The following UNC13C variants were observed in gnomAD, a reference collection of about 807,000 sequenced individuals.
UNC13C encodes protein unc-13 homolog C.
Under a neutral mutation model 245.4 loss-of-function variants are expected in UNC13C, and 174 were observed. The observed-to-expected ratio is 0.71, with a 90% CI of 0.63 to 0.80. The LOEUF is 0.80. Ranked by LOEUF, UNC13C falls within the 30% of genes least tolerant of loss-of-function variation. UNC13C has a pLI of 0.00. For missense variants in UNC13C, 2,829 were observed against 2,602.9 expected, an observed-to-expected ratio of 1.09 and a Z score of -1.89; for synonymous variants, 992 against 895.1, an observed-to-expected ratio of 1.11 and a Z score of -1.93.
At chr15:54,353,229 T>A (rs1262701739) in intron 17 of UNC13C, among the ~76,000 whole-genome samples, 1 of 152,026 alleles carries the variant, frequency 6.6e-6, no homozygotes, top group Non-Finnish European at 1.5e-5. Context: ...ATTAGACCAA[T>A]AACTGAAATA....
intron 4 of UNC13C, among the ~76,000 whole-genome samples, chr15:54,164,606 G>T (rs912563012): frequency 1.3e-5 from 2 of 152,222 alleles, no homozygotes; most frequent in Admixed American, 6.5e-5. Flanking sequence ...TACAGCATCT[G>T]CTCTGTCAGT....
chr15:53,909,492 G>A, the UNC13C span, among the ~76,000 whole-genome samples: 5 of 146,406 alleles, frequency 3.4e-5, 2 homozygotes, highest in Admixed American at 2.1e-4. Context: ...GGTGGCTCAC[G>A]CCTGTAATCC....
intron 4 of UNC13C, among the ~76,000 whole-genome samples, chr15:54,185,859 G>A (rs1373410615): frequency 6.6e-6 from 1 of 150,914 alleles, no homozygotes; most frequent in African/African-American, 2.5e-5. Context: ...ATTACCTTGG[G>A]CAGTATGGCC....
At chr15:54,055,859 A>G (rs1238123028) in intron 2 of UNC13C, among the ~76,000 whole-genome samples, 2 of 152,132 alleles carry the variant, frequency 1.3e-5, no homozygotes, top group Non-Finnish European at 2.9e-5. Flanking sequence ...TACATTTATC[A>G]TTGACAGCTG....
chr15:54,233,270 C>A (rs1436446559), intron 4 of UNC13C, among the ~76,000 whole-genome samples: 1 of 152,046 alleles, frequency 6.6e-6, no homozygotes, highest in Non-Finnish European at 1.5e-5. Flanking sequence ...TTAAATGTCA[C>A]CTTTCTCCCT....
intron 24 of UNC13C, among the ~76,000 whole-genome samples, chr15:54,521,832 A>T (rs1019578088): frequency 6.6e-6 from 1 of 152,246 alleles, no homozygotes; most frequent in African/African-American, 2.4e-5. Context: ...ATGATATAGG[A>T]CTGCTTCTGT....
At chr15:54,249,430 G>A (rs116532932) in intron 7 of UNC13C, among the ~76,000 whole-genome samples, 26 of 152,200 alleles carry the variant, frequency 1.7e-4, no homozygotes, top group African/African-American at 5.5e-4. Flanking sequence ...GTGGCAGAAC[G>A]TTTATTCATT....
At chr15:53,884,853 A>T in the UNC13C span, among the ~76,000 whole-genome samples, 2 of 152,008 alleles carry the variant, frequency 1.3e-5, no homozygotes, top group Non-Finnish European at 2.9e-5. Flanking sequence ...TTCTCCTCCT[A>T]CCAAATGCCT....
chr15:53,840,476 GAAATAAAA>G, the UNC13C span, among the ~76,000 whole-genome samples: 1 of 152,000 alleles, frequency 6.6e-6, no homozygotes, highest in African/African-American at 2.4e-5. Flanking sequence ...GAAGGGGCAT[GAAATAAAA>G]AAACAAGGAG....
chr15:54,060,613 A>G (rs1158142894), intron 2 of UNC13C, among the ~76,000 whole-genome samples: 1 of 152,140 alleles, frequency 6.6e-6, no homozygotes, highest in Non-Finnish European at 1.5e-5. Context: ...CCATCCCATT[A>G]CTGGGTATAT....
chr15:54,381,197 A>G (rs1173615188), intron 17 of UNC13C, among the ~76,000 whole-genome samples: 1 of 152,178 alleles, frequency 6.6e-6, no homozygotes, highest in Admixed American at 6.5e-5. Context: ...TTTTCTTAAC[A>G]TCATTGATTG....
At chr15:54,309,508 A>T (rs1355567789) in intron 13 of UNC13C, among the ~76,000 whole-genome samples, 6 of 151,976 alleles carry the variant, frequency 3.9e-5, no homozygotes, top group Admixed American at 2.0e-4. Context: ...TTTTAGGTTA[A>T]TTCAATCCCA....
chr15:54,523,641 C>A (rs984943753), intron 24 of UNC13C, among the ~76,000 whole-genome samples: 28 of 152,148 alleles, frequency 1.8e-4, no homozygotes, highest in African/African-American at 6.3e-4. Context: ...TTCTGTATGA[C>A]CTTGAAGGCC....
chr15:54,434,480 G>C (rs1321280824), intron 19 of UNC13C, among the ~76,000 whole-genome samples: 2 of 152,030 alleles, frequency 1.3e-5, no homozygotes, highest in African/African-American at 4.8e-5. Flanking sequence ...AGGAGCAATG[G>C]GGAAAGTGTT....
intron 19 of UNC13C, among the ~76,000 whole-genome samples, chr15:54,439,632 CAA>C (rs2140987977): frequency 6.6e-6 from 1 of 151,798 alleles, no homozygotes; most frequent in South Asian, 2.1e-4. Flanking sequence ...CATATTGATA[CAA>C]AGTCTCAAGT....
At chr15:54,444,319 T>C (rs906716060) in intron 19 of UNC13C, among the ~76,000 whole-genome samples, 1 of 151,038 alleles carries the variant, frequency 6.6e-6, no homozygotes, top group Non-Finnish European at 1.5e-5. Flanking sequence ...TATATACATA[T>C]ATATAATATG....
intron 2 of UNC13C, among the ~76,000 whole-genome samples, chr15:54,029,844 C>T (rs1896281626): frequency 6.6e-6 from 1 of 152,180 alleles, no homozygotes; most frequent in Admixed American, 6.5e-5. Context: ...AGCATATGGT[C>T]ATGCTCAGCT....
intron 24 of UNC13C, among the ~76,000 whole-genome samples, chr15:54,520,689 C>T (rs1038577072): frequency 6.6e-6 from 1 of 152,054 alleles, no homozygotes; most frequent in Non-Finnish European, 1.5e-5. Context: ...AGGGAAGGAC[C>T]TTGGGAAACA....
At chr15:54,384,692 C>A (rs1190332822) in intron 17 of UNC13C, among the ~76,000 whole-genome samples, 1 of 151,980 alleles carries the variant, frequency 6.6e-6, no homozygotes, top group Non-Finnish European at 1.5e-5. Flanking sequence ...AGCTTCTGCA[C>A]AACAGAGAAA....
Sources: gnomAD v4.1 joint callset for allele counts (sites outside exome capture counted in the v4.1 genomes callset) on GRCh38, gnomAD v4.1.1 for gene constraint, MANE v1.5 for transcripts, NCBI Gene and HGNC (gene_info 2026-07-23, HGNC 2026-07-21) for gene names.